DTL: variants seen among roughly 807,000 people sequenced by gnomAD.
DTL encodes the protein denticleless E3 ubiquitin protein ligase adapter.
Under a neutral mutation model 87.0 loss-of-function variants are expected in DTL, and 46 were observed. The observed-to-expected ratio is 0.53, with a 90% CI of 0.42 to 0.68. The LOEUF is 0.68. Ranked by LOEUF, DTL falls within the 30% of genes least tolerant of loss-of-function variation. DTL has a pLI of 0.00. For synonymous variants in DTL, 308 were observed against 311.2 expected (o/e 0.99, Z 0.11); for missense variants, 737 against 869.4 (o/e 0.85, Z 1.91).
intron 1 of DTL, among the ~76,000 whole-genome samples, chr1:212,041,916 T>C (rs1323469397): frequency 6.6e-6 from 1 of 152,232 alleles, no homozygotes; most frequent in East Asian, 1.9e-4. Flanking sequence ...TAAATTTCTT[T>C]GGTGCCCTTC....
chr1:212,052,188 A>G lies in DTL; in HGVS notation c.460+4771A>G, dbSNP rs568864637. Among the ~76,000 whole-genome samples the G allele has an allele frequency of 9.2e-5, 14 of 151,766 alleles. No homozygotes were observed. The East Asian group carries it at 2.3e-3, about 25-fold the overall frequency. ...ATATAATATGCTGTTTTTCCTGACT[A>G]TTTTCAGGATTTTTTGTCTTTGGTT... On this transcript the variant is annotated intron_variant, in intron 5 of 14. Coordinates refer to ENST00000366991, the MANE Select transcript of DTL (RefSeq NM_016448.4).
At position 212,100,139 on chromosome 1, in the gene DTL, A is replaced by G; in HGVS notation, c.1262-113A>G. 4.2e-6 allele frequency: 3 copies of G among 716,578 alleles called. No individual in the cohort carries two copies. The South Asian group carries it at 6.4e-5, about 15-fold the overall frequency. The allele number at this position is 716,578 out of a possible 1,614,324, so 44.4% of individuals were successfully genotyped here. ...GGAATCAAGTGATGTATACCTACTT[A>G]CTGGCAAATTGACCCTTAGATGATT... On this transcript the variant is annotated intron_variant, in intron 13 of 14. Coordinates refer to ENST00000366991, the MANE Select transcript of DTL (RefSeq NM_016448.4).
intron 13 of DTL, among the ~76,000 whole-genome samples, chr1:212,099,063 C>T (rs1287042067): frequency 6.6e-6 from 1 of 152,072 alleles, no homozygotes; most frequent in African/African-American, 2.4e-5. Context: ...AAATGGTTTC[C>T]CTGGGGACCA....
Position 212,043,037 on chromosome 1 carries a change from C to T in DTL, c.97C>T (p.Gln33Ter), listed in dbSNP as rs757407922. The T allele has an allele frequency of 1.9e-6, 3 of 1,612,700 alleles. No individual in the cohort carries two copies. In the Admixed American group the frequency reaches 5.0e-5, roughly 27 times the overall value. ...TCTTCAATCCCTTCTGACTGGTTAT[C>T]AGTGCAGTGGTAATGATGAACACAC... ...YPLQSLLTGYQCSGNDEHTSY... is the reference protein window; with the variant it reads ...YPLQSLLTGY Residue 33 changes from glutamine (Q) to a stop codon, truncating the protein, a stop_gained, in exon 2 of 15, where the codon CAG (glutamine) becomes TAG (stop). Transcript: ENST00000366991. LOFTEE classifies it high-confidence loss of function.
chr1:212,048,401 G>A (rs980516764), intron 5 of DTL, among the ~76,000 whole-genome samples: 10 of 151,966 alleles, frequency 6.6e-5, no homozygotes, highest in African/African-American at 2.4e-4. Context: ...CCATCTTGGC[G>A]AGGCTGATCT....
chr1:212,100,423 C>G lies in DTL; in HGVS notation c.1433C>G (p.Ser478Cys). The G allele has an allele frequency of 6.2e-7, 1 of 1,613,944 alleles. No homozygotes were observed. Among genetic ancestry groups the G allele is most frequent in the South Asian group, 1.1e-5 (1 of 91,046 alleles). Residue 478 changes from serine (S) to cysteine (C), a missense_variant, in exon 14 of 15, where the codon TCT (serine) becomes TGT (cysteine). By Grantham distance (112) the Ser-to-Cys change is moderately radical (BLOSUM62 -1). Coordinates refer to ENST00000366991, the MANE Select transcript of DTL (RefSeq NM_016448.4). The stretch of plus-strand genomic sequence containing the variant: ...AAAACCTCTCCTGCCAAGGCCCGGT[C>G]TCCCATCAACAGAAGAGGCTCTGTC... ...SIKTSPAKAR[S>C]PINRRGSVSS... is the part of the protein sequence containing the mutation.
intron 5 of DTL, 116 bp downstream of exon 5, chr1:212,047,533 T>C: frequency 7.4e-7 from 1 of 1,343,752 alleles, no homozygotes; most frequent in Non-Finnish European, 1.0e-6. Flanking sequence ...CCTACATAGA[T>C]GATTAAGATT....
At chr1:212,076,858 T>C (rs911592319) in intron 11 of DTL, among the ~76,000 whole-genome samples, 3 of 152,210 alleles carry the variant, frequency 2.0e-5, no homozygotes, top group African/African-American at 7.2e-5. Flanking sequence ...TAAGTGAGAT[T>C]CCTGTAGATG....
chr1:212,044,357 C>A (rs546635220), intron 2 of DTL, among the ~76,000 whole-genome samples: 1 of 152,234 alleles, frequency 6.6e-6, no homozygotes, highest in Admixed American at 6.5e-5. Flanking sequence ...GTAATCCCAG[C>A]ACTTTGGGAG....
chr1:212,077,170 TC>T (rs1235213753), intron 11 of DTL, among the ~76,000 whole-genome samples: 2 of 152,170 alleles, frequency 1.3e-5, no homozygotes, highest in Non-Finnish European at 2.9e-5. Context: ...GAGAATAACT[TC>T]TCTCAGCCCC....
At chr1:212,088,047 T>C (rs1376535852) in intron 13 of DTL, among the ~76,000 whole-genome samples, 2 of 152,370 alleles carry the variant, frequency 1.3e-5, no homozygotes, top group Middle Eastern at 3.4e-3. Context: ...ATCTTGGCTA[T>C]GCATCATAGC....
At chr1:212,036,160 A>G (rs1667449224) in intron 1 of DTL, among the ~76,000 whole-genome samples, 1 of 152,216 alleles carries the variant, frequency 6.6e-6, no homozygotes, top group Non-Finnish European at 1.5e-5. Flanking sequence ...ATCGTAACGT[A>G]GGCAGGGACG....
chr1:212,050,736 T>C (rs1175606995), intron 5 of DTL, among the ~76,000 whole-genome samples: 1 of 152,234 alleles, frequency 6.6e-6, no homozygotes, highest in African/African-American at 2.4e-5. Flanking sequence ...ATATTTGGCC[T>C]ATTTTCCCAA....
chr1:212,067,757 A>G (rs945494105), intron 8 of DTL, among the ~76,000 whole-genome samples: 7 of 152,198 alleles, frequency 4.6e-5, no homozygotes, highest in Admixed American at 6.5e-5. Context: ...GATTAAGACA[A>G]TTATCTCAAT....
chr1:212,042,488 T>C (rs2993549), intron 1 of DTL, among the ~76,000 whole-genome samples: 7,001 of 152,318 alleles, frequency 0.046, 224 homozygotes, highest in African/African-American at 0.083. Flanking sequence ...ACATTTTAGA[T>C]TCCTACAATT....
intron 12 of DTL, among the ~76,000 whole-genome samples, chr1:212,078,886 G>A (rs1190444258): frequency 6.6e-6 from 1 of 152,172 alleles, no homozygotes; most frequent in African/African-American, 2.4e-5. Context: ...GCATATAATA[G>A]TAGCTCAAGT....
Position 212,100,453 on chromosome 1 carries a change from C to T in DTL, c.1463C>T (p.Ser488Phe). 2 of 1,614,028 alleles carry T rather than the reference C, an allele frequency of 1.2e-6. No individual in the cohort carries two copies. Among genetic ancestry groups the T allele is most frequent in the South Asian group, 1.1e-5 (1 of 91,074 alleles). ...ATCAACAGAAGAGGCTCTGTCTCCT[C>T]CGTCTCTCCCAAGCCACCTTCATCT... Reference protein sequence around the residue: ...SPINRRGSVSSVSPKPPSSFK... With the variant: ...SPINRRGSVSFVSPKPPSSFK... Residue 488 changes from serine to phenylalanine, a missense_variant, in exon 14 of 15, where the codon TCC (serine) becomes TTC (phenylalanine). Coordinates refer to ENST00000366991, the MANE Select transcript of DTL (RefSeq NM_016448.4).
intron 13 of DTL, among the ~76,000 whole-genome samples, chr1:212,088,983 G>C (rs1655208299): frequency 6.6e-6 from 1 of 152,080 alleles, no homozygotes; most frequent in African/African-American, 2.4e-5. Flanking sequence ...CTACTCGGGA[G>C]GCTGAGGCAG....
Position 212,068,717 on chromosome 1 carries a change from C to T in DTL, c.922+14C>T, listed in dbSNP as rs1293125580. On this transcript the variant is annotated intron_variant, in intron 10 of 14. Coordinates refer to ENST00000366991, the MANE Select transcript of DTL (RefSeq NM_016448.4). ...AGACTTCTCCAGGTAAGATATTAGTCATTCAAATTCTCTTACCAGGAAAGC... is the reference window on the plus strand; with the variant it reads ...AGACTTCTCCAGGTAAGATATTAGTTATTCAAATTCTCTTACCAGGAAAGC... The T allele has an allele frequency of 6.7e-7, 1 of 1,501,608 alleles. No homozygotes were observed. Among genetic ancestry groups the T allele is most frequent in the African/African-American group, 1.4e-5 (1 of 72,284 alleles). 93.0% of individuals were successfully genotyped at this position (1,501,608 alleles called of 1,614,324 possible).
Sources: allele counts gnomAD v4.1 joint callset (sites outside exome capture counted in the v4.1 genomes callset), GRCh38; gene constraint gnomAD v4.1.1; transcripts MANE v1.5; gene names NCBI Gene and HGNC (gene_info 2026-07-23, HGNC 2026-07-21).